The following MTG1 variants were observed in gnomAD, a reference collection of about 807,000 sequenced individuals.
MTG1 encodes the protein mitochondrial ribosome associated GTPase 1, also known as mitochondrial ribosome-associated GTPase 1.
A neutral mutation model predicts 39.5 loss-of-function variants in MTG1; 30 were observed. The ratio of observed to expected loss-of-function variants is 0.76; its 90% confidence interval spans 0.57 to 1.03. MTG1 has a LOEUF of 1.03. Ranked by LOEUF, MTG1 falls within the 50% of genes least tolerant of loss-of-function variation. The probability of loss-of-function intolerance (pLI) is 0.00; values close to 1 mark genes in which losing one functional copy is unlikely to be tolerated. For synonymous variants in MTG1, 217 were observed against 179.0 expected (o/e 1.21, Z -1.69); for missense variants, 513 against 447.4 (o/e 1.15, Z -1.32).
In MTG1 at chr10:133,394,178, AGAG is replaced by A; in HGVS notation, c.-38_-36del. The A allele has an allele frequency of 7.0e-7, 1 of 1,428,870 alleles. No individual in the cohort carries two copies. Among genetic ancestry groups the A allele is most frequent in the Non-Finnish European group, 9.4e-7 (1 of 1,063,990 alleles). 88.5% of individuals were successfully genotyped at this position (1,428,870 alleles called of 1,614,324 possible). ...CCTCAGAGGCGGGTCGCAGCGGCGC[AGAG>A]GAGGTCAGCTGCGGGAGCGTTTCCG... On this transcript the variant is annotated 5_prime_UTR_variant, in exon 1 of 11. Coordinates refer to ENST00000317502, the MANE Select transcript of MTG1 (RefSeq NM_138384.4).
rs554140236 is a variant in MTG1 at position 133,414,701 on chromosome 10, G to A, written c.753-4779G>A. Among the ~76,000 whole-genome samples, 3 of 151,842 alleles carry A rather than the reference G, an allele frequency of 2.0e-5. No homozygotes were observed. In the South Asian group the frequency reaches 6.3e-4, roughly 32 times the overall value. On this transcript the variant is annotated intron_variant, in intron 9 of 10. Transcript: ENST00000317502. Reference sequence around the variant, plus strand: ...CAGACGATGGGCGGCCAGGCAGAGGGGCTCCTCACATCCCAGACAATGGGC... The same window carrying A: ...CAGACGATGGGCGGCCAGGCAGAGGAGCTCCTCACATCCCAGACAATGGGC...
chr10:133,407,328 A>G (rs1355308246), intron 9 of MTG1, among the ~76,000 whole-genome samples: 4 of 152,078 alleles, frequency 2.6e-5, no homozygotes, highest in East Asian at 1.9e-4. Context: ...TTCTTTGCAG[A>G]GTGTCATTGC....
intron 9 of MTG1, among the ~76,000 whole-genome samples, chr10:133,406,620 C>T (rs1001234550): frequency 2.7e-5 from 4 of 150,302 alleles, no homozygotes; most frequent in African/African-American, 7.3e-5. Context: ...GTTTCCCTTA[C>T]GTTTTCTTCT....
chr10:133,415,552 G>C (rs1201908036), intron 9 of MTG1, among the ~76,000 whole-genome samples: 1 of 152,194 alleles, frequency 6.6e-6, no homozygotes, highest in Admixed American at 6.5e-5. Context: ...TGCTTGAGAG[G>C]GGTTGGTCTC....
chr10:133,395,125 G>A (rs1439424315), intron 1 of MTG1, among the ~76,000 whole-genome samples: 1 of 152,220 alleles, frequency 6.6e-6, no homozygotes, highest in African/African-American at 2.4e-5. Context: ...GCCCGGCCCG[G>A]TGGCTCACGC....
Position 133,420,137 on chromosome 10 carries a change from G to A in MTG1, c.977G>A (p.Gly326Asp), listed in dbSNP as rs1850208302. The change falls in exon 11 of 11, where the codon GGC becomes GAC. Residue 326 changes from glycine (G) to aspartate (D), a missense_variant. Gly to Asp is a moderately conservative substitution (Grantham distance 94, BLOSUM62 -1). Coordinates refer to ENST00000317502, the MANE Select transcript of MTG1 (RefSeq NM_138384.4). ...SVMLDLDVLR[G>D]HPPAETLP ...ATGCTGGACCTCGACGTCCTGCGGG[G>A]CCACCCCCCGGCTGAGACTTTGCCC... 3 of 1,612,502 alleles carry A rather than the reference G, an allele frequency of 1.9e-6. No homozygotes were observed. Among genetic ancestry groups the A allele is most frequent in the Non-Finnish European group, 2.5e-6 (3 of 1,179,440 alleles).
chr10:133,405,937 C>T (rs1361006371), intron 9 of MTG1, among the ~76,000 whole-genome samples: 1 of 152,244 alleles, frequency 6.6e-6, no homozygotes, highest in African/African-American at 2.4e-5. Context: ...GCTGTACTAA[C>T]TTACATTCCC....
chr10:133,397,004 ACT>A (rs1387067944), intron 3 of MTG1, among the ~76,000 whole-genome samples: 2 of 151,458 alleles, frequency 1.3e-5, no homozygotes, highest in South Asian at 2.1e-4. Context: ...TTTAGAGAAG[ACT>A]CTACTCCTCC....
intron 4 of MTG1, among the ~76,000 whole-genome samples, chr10:133,398,776 G>A (rs1849825691): frequency 6.6e-6 from 1 of 152,146 alleles, no homozygotes. Flanking sequence ...GTTTCCAGTT[G>A]TATGTGGTAG....
At chr10:133,394,844 G>A in intron 1 of MTG1, 2 of 683,894 alleles carry the variant, frequency 2.9e-6, no homozygotes, top group Non-Finnish European at 3.6e-6. Flanking sequence ...TCTGGGGCCA[G>A]CCCAGCCCGT....
At chr10:133,404,879 T>G (rs991718144) in intron 9 of MTG1, among the ~76,000 whole-genome samples, 5 of 152,236 alleles carry the variant, frequency 3.3e-5, no homozygotes, top group African/African-American at 7.2e-5. Flanking sequence ...GGACTCTAAC[T>G]GTGTCACTTT....
intron 9 of MTG1, among the ~76,000 whole-genome samples, chr10:133,411,074 T>C (rs1022061289): frequency 1.3e-5 from 2 of 152,210 alleles, no homozygotes; most frequent in Admixed American, 6.5e-5. Flanking sequence ...ATACTTCACA[T>C]GTTTTCTTTT....
rs56198725 is a variant in MTG1, at chr10:133,414,342, G to A, written c.753-5138G>A. On this transcript the variant is annotated intron_variant, in intron 9 of 10. Coordinates refer to ENST00000317502, the MANE Select transcript of MTG1 (RefSeq NM_138384.4). ...TTCTACACAGACACGGCAACCATCC[G>A]ATTTCTCAATCTTTTCCCCACCTTT... 5.9e-3 allele frequency among the ~76,000 whole-genome samples: 891 copies of A among 152,176 alleles called. 5 individuals are homozygous for A. Among genetic ancestry groups the A allele is most frequent in the Middle Eastern group, 0.01 (3 of 294 alleles).
intron 6 of MTG1, among the ~76,000 whole-genome samples, chr10:133,400,994 G>T (rs1238511349): frequency 1.3e-5 from 2 of 152,262 alleles, no homozygotes; most frequent in African/African-American, 4.8e-5. Flanking sequence ...CATCTGGATG[G>T]ACACTTGTGT....
rs1352212223 is a variant in MTG1 at position 133,394,253 on chromosome 10, C to T, written c.33C>T (p.Ala11=). ...TGACCCCGCGCGCGCTGTGCAGCGC[C>T]GCCCAGGCCGCCTGGCGGGAGAACT... is the stretch of plus-strand genomic sequence containing the variant. MRLTPRALCS[A]AQAAWRENFP... is the part of the protein sequence containing the mutation. The change falls in exon 1 of 11, where the codon GCC becomes GCT. Residue 11 remains alanine (A), a synonymous_variant. Coordinates refer to ENST00000317502, the MANE Select transcript of MTG1 (RefSeq NM_138384.4). The T allele has an allele frequency of 2.6e-6, 4 of 1,518,050 alleles. No homozygotes were observed. Among genetic ancestry groups the T allele is most frequent in the East Asian group, 5.3e-5 (2 of 37,438 alleles). The allele number at this position is 1,518,050 out of a possible 1,614,324, so 94.0% of individuals were successfully genotyped here.
chr10:133,404,253 A>G (rs1344945950), intron 9 of MTG1, among the ~76,000 whole-genome samples: 2 of 149,626 alleles, frequency 1.3e-5, no homozygotes, highest in Admixed American at 6.7e-5. Context: ...CAGCCTCCCA[A>G]GTAGCTGAGA....
At chr10:133,413,885 T>C (rs148752002) in intron 9 of MTG1, among the ~76,000 whole-genome samples, 12 of 152,008 alleles carry the variant, frequency 7.9e-5, no homozygotes, top group Admixed American at 3.9e-4. Flanking sequence ...CAGTTTACCA[T>C]CCACACCTTC....
intron 9 of MTG1, among the ~76,000 whole-genome samples, chr10:133,404,101 GTTTC>G: frequency 1.0e-5 from 1 of 97,376 alleles, no homozygotes; most frequent in South Asian, 3.4e-4. Flanking sequence ...TAACTGAGTT[GTTTC>G]TTTCCTTATT....
At chr10:133,404,016 A>T (rs1849929379) in intron 9 of MTG1, among the ~76,000 whole-genome samples, 1 of 147,810 alleles carries the variant, frequency 6.8e-6, no homozygotes, top group Non-Finnish European at 1.5e-5. Context: ...AGGGACGTTG[A>T]GCATCTTCAT....
Sources: gnomAD v4.1 joint callset for allele counts (sites outside exome capture counted in the v4.1 genomes callset) on GRCh38, gnomAD v4.1.1 for gene constraint, MANE v1.5 for transcripts, NCBI Gene and HGNC (gene_info 2026-07-23, HGNC 2026-07-21) for gene names.